Variants in IL16 observed in about 807,000 individuals in gnomAD.
IL16 encodes interleukin 16, also known as pro-interleukin-16.
A neutral mutation model predicts 110.1 loss-of-function variants in IL16; 67 were observed. The observed-to-expected ratio is 0.61, with a 90% CI of 0.50 to 0.75. The LOEUF (loss-of-function observed/expected upper bound fraction) is 0.75. Among genes scored for constraint, IL16 ranks in the 30% least tolerant of loss-of-function variants. IL16 has a pLI of 0.00. For synonymous variants in IL16, 689 were observed against 662.9 expected (o/e 1.04, Z -0.61); for missense variants, 1,545 against 1,655.0 (o/e 0.93, Z 1.15).
intron 1 of IL16, among the ~76,000 whole-genome samples, chr15:81,213,911 T>C (rs1253337196): frequency 6.6e-6 from 1 of 152,206 alleles, no homozygotes; most frequent in Non-Finnish European, 1.5e-5. Flanking sequence ...ATTTTGATCC[T>C]GTCCTCATGT....
At chr15:81,235,199 C>T (rs1021633902) in intron 2 of IL16, among the ~76,000 whole-genome samples, 1 of 152,068 alleles carries the variant, frequency 6.6e-6, no homozygotes, top group Non-Finnish European at 1.5e-5. Context: ...CTGTGTTAGT[C>T]CATTTTGCAT....
rs1006075096 is a variant in IL16, at chr15:81,303,992, G to A, written c.3420+342G>A. ...CTGCGGCTGCTCGCTCTCTAAAGCC[G>A]AGTGCATTGCTGTCATCCCAGGGCT... On this transcript the variant is annotated intron_variant, in intron 16 of 18. Coordinates refer to ENST00000683961, the MANE Select transcript of IL16 (RefSeq NM_172217.5). This position sits in a 1 kb window ranked among gnomAD's most constrained non-coding sequence, Gnocchi z 4.1. Among the ~76,000 whole-genome samples, 3 of 152,198 alleles carry A rather than the reference G, an allele frequency of 2.0e-5. No homozygotes were observed. Among genetic ancestry groups the A allele is most frequent in the Non-Finnish European group, 4.4e-5 (3 of 68,034 alleles).
At chr15:81,231,320 GTCTGTCTCTC>G (rs1413807570) in intron 2 of IL16, among the ~76,000 whole-genome samples, 34 of 50,982 alleles carry the variant, frequency 6.7e-4, no homozygotes, top group African/African-American at 1.9e-3. Flanking sequence ...CCCAAGGTCG[GTCTGTCTCTC>G]TCTCTCTCTC....
At position 81,265,937 on chromosome 15, in the gene IL16, A is replaced by G. The variant is rs1187134418; in HGVS notation, c.564+136A>G. Reference sequence around the variant, plus strand: ...AACTACAGAGGAGAGGGTCTCGCTTAGTAGCTGCAAGAAGGTACAACCATC... The same window carrying G: ...AACTACAGAGGAGAGGGTCTCGCTTGGTAGCTGCAAGAAGGTACAACCATC... On this transcript the variant is annotated intron_variant, in intron 4 of 18. Coordinates refer to ENST00000683961, the MANE Select transcript of IL16 (RefSeq NM_172217.5). 14 of 771,510 alleles carry G rather than the reference A, an allele frequency of 1.8e-5. No homozygotes were observed. The South Asian group carries it at 2.1e-4, about 12-fold the overall frequency. 47.8% of individuals were successfully genotyped at this position (771,510 alleles called of 1,614,324 possible).
intron 1 of IL16, among the ~76,000 whole-genome samples, chr15:81,206,247 G>A (rs1896014113): frequency 6.6e-6 from 1 of 151,522 alleles, no homozygotes; most frequent in Non-Finnish European, 1.5e-5. Flanking sequence ...AGACCTGGAT[G>A]GTATAGCCTA....
intron 1 of IL16, among the ~76,000 whole-genome samples, chr15:81,183,149 G>C (rs866090148): frequency 3.3e-5 from 5 of 152,252 alleles, no homozygotes; most frequent in Non-Finnish European, 7.3e-5. Flanking sequence ...GCTTGGCAGA[G>C]AGTTCGGGAA....
intron 2 of IL16, among the ~76,000 whole-genome samples, chr15:81,249,530 C>A (rs746820690): frequency 6.6e-6 from 1 of 152,096 alleles, no homozygotes; most frequent in African/African-American, 2.4e-5. Context: ...ATGACTTATA[C>A]AATTGCTGTT....
rs1464218888 is a variant in IL16, at chr15:81,299,705, C to T, written c.2379C>T (p.Arg793=). ...PPVAPKPAWF[R]QSLKGLRNRA... ...TGGCTCCCAAGCCAGCCTGGTTTCG[C>T]CAAAGCTTGAAAGGTTTGAGGAATC... is the stretch of plus-strand genomic sequence containing the variant. Residue 793 remains arginine, a synonymous_variant, in exon 14 of 19, where the codon CGC becomes CGT. Coordinates refer to ENST00000683961, the MANE Select transcript of IL16 (RefSeq NM_172217.5). 1.9e-6 allele frequency: 3 copies of T among 1,614,072 alleles called. No homozygotes were observed. Among genetic ancestry groups the T allele is most frequent in the Non-Finnish European group, 2.5e-6 (3 of 1,180,040 alleles).
Position 81,221,515 on chromosome 15 carries a change from A to G in IL16, c.-101-3784A>G, listed in dbSNP as rs563002647. Among the ~76,000 whole-genome samples the G allele has an allele frequency of 3.9e-5, 6 of 152,272 alleles. No homozygotes were observed. In the East Asian group the frequency reaches 1.2e-3, roughly 29 times the overall value. The stretch of plus-strand genomic sequence containing the variant: ...AGCAATAGCTGGTTCCAATGTCCTG[A>G]GCTCAATTACTGAAGCTAAGCTGAA... On this transcript the variant is annotated intron_variant, in intron 1 of 18. Transcript: ENST00000683961.
In IL16 at chr15:81,279,563, C is replaced by G. The variant is rs1180617382; in HGVS notation, c.870C>G (p.Ala290=). The change falls in exon 8 of 19, where the codon GCC becomes GCG. Residue 290 remains alanine, a synonymous_variant. Coordinates refer to ENST00000683961, the MANE Select transcript of IL16 (RefSeq NM_172217.5). The part of the protein sequence containing the change: ...HQDALQKFKQ[A]KKGLLTLTVR... The stretch of plus-strand genomic sequence containing the variant: ...GCCCTCTCTCTTTCTTTCAGCAAGC[C>G]AAAAAGGGGCTCCTCACCCTCACCG... 2 of 1,611,144 alleles carry G rather than the reference C, an allele frequency of 1.2e-6. No homozygotes were observed. Among genetic ancestry groups the G allele is most frequent in the Non-Finnish European group, 1.7e-6 (2 of 1,179,248 alleles).
intron 2 of IL16, among the ~76,000 whole-genome samples, chr15:81,237,985 A>C (rs748520097): frequency 2.3e-4 from 35 of 151,990 alleles, no homozygotes; most frequent in Non-Finnish European, 4.6e-4. Context: ...GCTCACTGCA[A>C]CCTCCGCCTC....
At chr15:81,304,132 C>G (rs1263775422) in intron 16 of IL16, among the ~76,000 whole-genome samples, 1 of 152,214 alleles carries the variant, frequency 6.6e-6, no homozygotes, top group African/African-American at 2.4e-5. Flanking sequence ...ACATACCACA[C>G]CCCCTTGCAG....
chr15:81,257,892 C>T (rs925070296), intron 2 of IL16, among the ~76,000 whole-genome samples: 1 of 152,076 alleles, frequency 6.6e-6, no homozygotes, highest in African/African-American at 2.4e-5. Flanking sequence ...AACCAATATC[C>T]AAAGATTCTA....
At chr15:81,259,989 A>T (rs1898093193) in intron 3 of IL16, 109 bp downstream of exon 3, 1 of 699,904 alleles carries the variant, frequency 1.4e-6, no homozygotes, top group Admixed American at 2.3e-5. Flanking sequence ...GTAAACTAGC[A>T]TTGGAGTCTG....
exon 1 of IL16, chr15:81,182,767 G>A (rs1251608113): frequency 2.1e-5 from 15 of 724,078 alleles, no homozygotes; most frequent in Admixed American, 4.7e-5. Flanking sequence ...ACTCCCAGCC[G>A]AGAAGCTGCC....
intron 2 of IL16, among the ~76,000 whole-genome samples, chr15:81,237,653 T>C (rs779580642): frequency 2.0e-4 from 31 of 152,308 alleles, no homozygotes; most frequent in Non-Finnish European, 4.4e-4. Flanking sequence ...AGGTAACCAC[T>C]TAATTTTGGG....
intron 3 of IL16, among the ~76,000 whole-genome samples, chr15:81,261,481 C>G (rs1041150137): frequency 6.6e-6 from 1 of 152,224 alleles, no homozygotes. Context: ...TCTGCTCCCC[C>G]ACCTTGGTGC....
At position 81,313,516 on chromosome 15, in the gene IL16, G is replaced by T; in HGVS notation, c.*4718G>T. On this transcript the variant is annotated 3_prime_UTR_variant, in exon 19 of 19. Coordinates refer to ENST00000683961, the MANE Select transcript of IL16 (RefSeq NM_172217.5). ...TGGAAATGGCCATGATACAGTGATC[G>T]CGTCTCATCCCTTGCTGTGCCCTCC... The T allele has an allele frequency of 9.5e-7, 1 of 1,057,444 alleles. No individual in the cohort carries two copies. Among genetic ancestry groups the T allele is most frequent in the Non-Finnish European group, 1.3e-6 (1 of 773,208 alleles). The allele number at this position is 1,057,444 out of a possible 1,614,324, so 65.5% of individuals were successfully genotyped here.
At position 81,206,350 on chromosome 15, in the gene IL16, T is replaced by C. The variant is rs1393313105; in HGVS notation, c.-102+9198T>C. 2.6e-5 allele frequency among the ~76,000 whole-genome samples: 4 copies of C among 152,370 alleles called. No individual in the cohort carries two copies. The East Asian group carries it at 7.7e-4, about 29-fold the overall frequency. ...TAGGCATTTGTAACACAGTGGTAAG[T>C]ATTTGTGTATCTGAACATTTGTAAC... is the stretch of plus-strand genomic sequence containing the variant. On this transcript the variant is annotated intron_variant, in intron 1 of 18. Coordinates refer to ENST00000683961, the MANE Select transcript of IL16 (RefSeq NM_172217.5).
Sources: gnomAD v4.1 joint callset for allele counts (sites outside exome capture counted in the v4.1 genomes callset) on GRCh38, gnomAD v4.1.1 for gene constraint, Gnocchi (gnomAD v3.1) non-coding constraint, MANE v1.5 for transcripts, NCBI Gene and HGNC (gene_info 2026-07-23, HGNC 2026-07-21) for gene names.